Variants in ZNF774 observed in about 807,000 individuals in gnomAD.
ZNF774 encodes zinc finger protein 774.
ZNF774 carries 14 observed loss-of-function variants against 11.1 expected under a neutral mutation model. The observed-to-expected ratio is 1.26, with a 90% CI of 0.83 to 1.97. The LOEUF (loss-of-function observed/expected upper bound fraction) is 1.97. Among genes scored for constraint, ZNF774 ranks in the 30% most tolerant of loss-of-function variants. The probability of loss-of-function intolerance (pLI) is 0.00; values close to 1 mark genes in which losing one functional copy is unlikely to be tolerated. For synonymous variants in ZNF774, 195 were observed against 212.6 expected, an observed-to-expected ratio of 0.92 and a Z score of 0.72; for missense variants, 599 against 587.0, an observed-to-expected ratio of 1.02 and a Z score of -0.21.
Position 90,357,419 on chromosome 15 carries a change from G to A in ZNF774, c.105-1432G>A, listed in dbSNP as rs566204468. On this transcript the variant is annotated intron_variant, in intron 2 of 3. Transcript: ENST00000354377. Reference sequence around the variant, plus strand: ...CTTGGGAGGCTGAGGTGAGAGAATCGCTTGAGCCAGGAGCTCGAGGATGCA... The same window carrying A: ...CTTGGGAGGCTGAGGTGAGAGAATCACTTGAGCCAGGAGCTCGAGGATGCA... Among the ~76,000 whole-genome samples, 369 of 152,224 alleles carry A rather than the reference G, an allele frequency of 2.4e-3. 1 individual carries two copies. Among genetic ancestry groups the A allele is most frequent in the Non-Finnish European group, 3.7e-3 (251 of 68,002 alleles).
In ZNF774 at chr15:90,360,260, G is replaced by A. The variant is rs1964307976; in HGVS notation, c.429G>A (p.Leu143=). 2 of 1,614,086 alleles carry A rather than the reference G, an allele frequency of 1.2e-6. No individual in the cohort carries two copies. The highest frequency in any genetic ancestry group is 1.3e-5 in the African/African-American group (1 of 74,936). The change falls in exon 4 of 4, where the codon CTG becomes CTA. Residue 143 remains leucine (L), a synonymous_variant. Coordinates refer to ENST00000354377, the MANE Select transcript of ZNF774 (RefSeq NM_001004309.3). ...FSQERDLNKL[L]DGYVGEKPMC... ...AGGAGAGGGATTTAAACAAGCTCCT[G>A]GATGGATATGTAGGAGAGAAGCCTA...
At chr15:90,354,593 T>G in intron 1 of ZNF774, 49 bp from the exon 2 acceptor site, 227 of 1,293,812 alleles carry the variant, frequency 1.8e-4, no homozygotes, top group Middle Eastern at 3.7e-4. Flanking sequence ...CAGACAATGG[T>G]GAGAATATCT....
chr15:90,360,939 AC>A lies in ZNF774; in HGVS notation c.1109del (p.Thr370LysfsTer57), dbSNP rs1260296292. The A allele has an allele frequency of 2.8e-5, 45 of 1,614,056 alleles. No homozygotes were observed. The highest frequency in any genetic ancestry group is 3.7e-5 in the Non-Finnish European group (44 of 1,180,032). Reference sequence around the variant, plus strand: ...TTTGGTCACGCACCAAAGAACACACACAGGTGAGAGACCTTTTAAGTGCGAA... The same window carrying A: ...TTTGGTCACGCACCAAAGAACACACAAGGTGAGAGACCTTTTAAGTGCGAA... Reference protein sequence around the residue: ...SHLVTHQRTHTGERPFKCENC... With the variant: ...SHLVTHQRTHXGERPFKCENC... On this transcript the variant is annotated frameshift_variant, in exon 4 of 4. Coordinates refer to ENST00000354377, the MANE Select transcript of ZNF774 (RefSeq NM_001004309.3). LOFTEE classifies it low-confidence loss of function (END_TRUNC).
intron 2 of ZNF774, among the ~76,000 whole-genome samples, chr15:90,356,428 C>G (rs1964250259): frequency 6.6e-6 from 1 of 152,072 alleles, no homozygotes; most frequent in Admixed American, 6.5e-5. Flanking sequence ...AACTCCTGAC[C>G]TCAAGTGATC....
In ZNF774 at chr15:90,361,236, C is replaced by G; in HGVS notation, c.1405C>G (p.Arg469Gly). The G allele has an allele frequency of 6.2e-7, 1 of 1,611,048 alleles. No homozygotes were observed. Among genetic ancestry groups the G allele is most frequent in the Non-Finnish European group, 8.5e-7 (1 of 1,178,388 alleles). ...FHCSKCNKSF[R>G]QKAHLLCHQN... Reference sequence around the variant, plus strand: ...CTGTAGTAAATGTAACAAGAGCTTCCGTCAGAAAGCGCATCTTTTATGCCA... The same window carrying G: ...CTGTAGTAAATGTAACAAGAGCTTCGGTCAGAAAGCGCATCTTTTATGCCA... The change falls in exon 4 of 4, where the codon CGT becomes GGT. Residue 469 changes from arginine (R) to glycine (G), a missense_variant. Arg to Gly is a moderately radical substitution (Grantham distance 125). Coordinates refer to ENST00000354377, the MANE Select transcript of ZNF774 (RefSeq NM_001004309.3).
chr15:90,358,319 C>G (rs914718784), intron 2 of ZNF774, among the ~76,000 whole-genome samples: 2 of 152,186 alleles, frequency 1.3e-5, no homozygotes, highest in African/African-American at 4.8e-5. Context: ...CACTCATTAC[C>G]TCTACACTAT....
chr15:90,360,003 C>A, intron 3 of ZNF774, 40 bp from the exon 4 acceptor site: 1 of 1,540,882 alleles, frequency 6.5e-7, no homozygotes, highest in Non-Finnish European at 8.7e-7. Context: ...TTCCTGATAA[C>A]TGATAACTTT....
intron 3 of ZNF774, among the ~76,000 whole-genome samples, chr15:90,359,667 T>C (rs28696209): frequency 0.1 from 15,130 of 151,366 alleles, 1,944 homozygotes; most frequent in African/African-American, 0.3. Flanking sequence ...GTTGGCCAGG[T>C]TGGTCTCGAA....
intron 3 of ZNF774, among the ~76,000 whole-genome samples, chr15:90,359,720 G>T (rs925733549): frequency 1.3e-5 from 2 of 152,222 alleles, no homozygotes; most frequent in Non-Finnish European, 2.9e-5. Context: ...CTCCCGAAGT[G>T]CTGGGATTAT....
At chr15:90,355,836 C>T (rs1324806075) in intron 2 of ZNF774, among the ~76,000 whole-genome samples, 3 of 151,198 alleles carry the variant, frequency 2.0e-5, no homozygotes, top group Non-Finnish European at 4.4e-5. Flanking sequence ...CGAGACCATC[C>T]TGGCTAACAT....
chr15:90,356,045 T>TA (rs1567100704), intron 2 of ZNF774, among the ~76,000 whole-genome samples: 4 of 101,950 alleles, frequency 3.9e-5, no homozygotes, highest in African/African-American at 8.4e-5. Context: ...AAAAAATAAA[T>TA]AAAAAAAACC....
chr15:90,360,121 C>T lies in ZNF774; in HGVS notation c.290C>T (p.Thr97Ile), dbSNP rs1463068039. ...CAATGTGGAACATCCTCAGAAAGGA[C>T]CAATAAAGATCTTTCTCATACTCTT... Reference protein sequence around the residue: ...AEQCGTSSERTNKDLSHTLSW... With the variant: ...AEQCGTSSERINKDLSHTLSW... The change falls in exon 4 of 4, where the codon ACC becomes ATC. Residue 97 changes from threonine to isoleucine, a missense_variant. Transcript: ENST00000354377. 1.2e-6 allele frequency: 2 copies of T among 1,614,006 alleles called. No homozygotes were observed. The highest frequency in any genetic ancestry group is 2.7e-5 in the African/African-American group (2 of 74,896).
chr15:90,353,425 AGT>A (rs56080142), intron 1 of ZNF774, among the ~76,000 whole-genome samples: 23,215 of 139,012 alleles, frequency 0.17, 2,119 homozygotes, highest in East Asian at 0.4. Flanking sequence ...TTCCCCCAAA[AGT>A]GTGTGTGTGT....
Position 90,361,136 on chromosome 15 carries a change from G to T in ZNF774, c.1305G>T (p.Glu435Asp). The T allele has an allele frequency of 6.2e-7, 1 of 1,611,084 alleles. No individual in the cohort carries two copies. The highest frequency in any genetic ancestry group is 8.5e-7 in the Non-Finnish European group (1 of 1,177,050). ...GAGACAGGCCCTATCGATGTCCTGAGTGTGGCAAGACCTTCAATCAGCGTT... is the reference window on the plus strand; with the variant it reads ...GAGACAGGCCCTATCGATGTCCTGATTGTGGCAAGACCTTCAATCAGCGTT... Reference protein sequence around the residue: ...HLGDRPYRCPECGKTFNQRSH... With the variant: ...HLGDRPYRCPDCGKTFNQRSH... The change falls in exon 4 of 4, where the codon GAG (glutamate) becomes GAT (aspartate). Residue 435 changes from glutamate (E) to aspartate (D), a missense_variant. Physicochemically the swap from Glu to Asp is conservative, Grantham distance 45. Coordinates refer to ENST00000354377, the MANE Select transcript of ZNF774 (RefSeq NM_001004309.3).
At chr15:90,352,471 G>A (rs763489618) in intron 1 of ZNF774, 60 bp downstream of exon 1, 8 of 152,456 alleles carry the variant, frequency 5.2e-5, no homozygotes, top group Non-Finnish European at 8.8e-5. Context: ...GGGCGTGGAG[G>A]GGGCTTGCCC....
At chr15:90,355,179 A>G (rs966646371) in intron 2 of ZNF774, among the ~76,000 whole-genome samples, 1 of 152,202 alleles carries the variant, frequency 6.6e-6, no homozygotes, top group Non-Finnish European at 1.5e-5. Flanking sequence ...AGTTTCTGGT[A>G]TGTTGGCATC....
chr15:90,361,141 G>T lies in ZNF774; in HGVS notation c.1310G>T (p.Gly437Val). Residue 437 changes from glycine to valine, a missense_variant, in exon 4 of 4, where the codon GGC becomes GTC. Physicochemically the swap from Gly to Val is moderately radical, Grantham distance 109. Transcript: ENST00000354377. ...GDRPYRCPEC[G>V]KTFNQRSHFL... Reference sequence around the variant, plus strand: ...AGGCCCTATCGATGTCCTGAGTGTGGCAAGACCTTCAATCAGCGTTCCCAT... The same window carrying T: ...AGGCCCTATCGATGTCCTGAGTGTGTCAAGACCTTCAATCAGCGTTCCCAT... The T allele has an allele frequency of 1.1e-5, 17 of 1,611,036 alleles. No homozygotes were observed. Among genetic ancestry groups the T allele is most frequent in the Non-Finnish European group, 1.4e-5 (17 of 1,177,030 alleles).
In ZNF774 at chr15:90,362,361, A is replaced by G. The variant is rs1233424143; in HGVS notation, c.*1078A>G. 16 of 585,296 alleles carry G rather than the reference A, an allele frequency of 2.7e-5. No individual in the cohort carries two copies. The highest frequency in any genetic ancestry group is 2.6e-4 in the Admixed American group (9 of 34,458). The allele number at this position is 585,296 out of a possible 1,614,324, so 36.3% of individuals were successfully genotyped here. A position where few individuals can be genotyped will look rare whatever the true frequency, so the allele number is the denominator to read the frequency against. ...TCTGACACAGAGAAAATATCCTACA[A>G]TGAACAAGCCAGAGGGACCTGGTAG... On this transcript the variant is annotated 3_prime_UTR_variant, in exon 4 of 4. Coordinates refer to ENST00000354377, the MANE Select transcript of ZNF774 (RefSeq NM_001004309.3).
At chr15:90,359,323 C>G (rs951677217) in intron 3 of ZNF774, among the ~76,000 whole-genome samples, 2 of 151,852 alleles carry the variant, frequency 1.3e-5, no homozygotes, top group African/African-American at 2.4e-5. Context: ...CCACCCGCCT[C>G]GGCCTCCCAA....
Sources: allele counts gnomAD v4.1 joint callset (sites outside exome capture counted in the v4.1 genomes callset), GRCh38; gene constraint gnomAD v4.1.1; transcripts MANE v1.5; gene names NCBI Gene and HGNC (gene_info 2026-07-23, HGNC 2026-07-21).